The following EDIL3 variants were observed in gnomAD, a reference collection of about 807,000 sequenced individuals.
EDIL3 encodes EGF like and discoidin domains 3, also known as EGF-like repeat and discoidin I-like domain-containing protein 3.
A neutral mutation model predicts 67.4 loss-of-function variants in EDIL3; 37 were observed. That is an observed-to-expected ratio of 0.55 (90% CI 0.42 to 0.72). The LOEUF is 0.72. EDIL3 is among the 30% of genes least tolerant of loss of function. The probability of loss-of-function intolerance (pLI) is 0.00; values close to 1 mark genes in which losing one functional copy is unlikely to be tolerated. For missense variants in EDIL3, 527 were observed against 586.3 expected (o/e 0.90, Z 1.04); for synonymous variants, 195 against 196.3 (o/e 0.99, Z 0.05).
chr5:84,331,657 A>G (rs1429059491), intron 1 of EDIL3, among the ~76,000 whole-genome samples: 3 of 152,130 alleles, frequency 2.0e-5, no homozygotes, highest in African/African-American at 7.2e-5. Flanking sequence ...AGTCTCGGGT[A>G]TTTCTTCACA....
chr5:84,166,487 T>C (rs538881801), intron 4 of EDIL3, among the ~76,000 whole-genome samples: 2 of 152,140 alleles, frequency 1.3e-5, no homozygotes, highest in South Asian at 2.1e-4. Flanking sequence ...CATTCATTTG[T>C]TTACTTAACA....
chr5:84,182,492 T>C (rs554285568), intron 3 of EDIL3, among the ~76,000 whole-genome samples: 1 of 151,274 alleles, frequency 6.6e-6, no homozygotes, highest in South Asian at 2.1e-4. Context: ...ACAAACAAAC[T>C]TGTGAATAGG....
At chr5:84,012,417 A>G (rs1301215089) in intron 9 of EDIL3, among the ~76,000 whole-genome samples, 1 of 152,196 alleles carries the variant, frequency 6.6e-6, no homozygotes, top group East Asian at 1.9e-4. Flanking sequence ...CAACTGATCA[A>G]TTCCTTCAGG....
At chr5:84,359,707 G>A (rs536973925) in intron 1 of EDIL3, among the ~76,000 whole-genome samples, 1 of 152,166 alleles carries the variant, frequency 6.6e-6, no homozygotes, top group African/African-American at 2.4e-5. Context: ...AGGAAACGGG[G>A]TTATTCAGCC....
intron 1 of EDIL3, among the ~76,000 whole-genome samples, chr5:84,256,148 C>CTATCATCT (rs3046886): frequency 0.055 from 8,095 of 146,518 alleles, 341 homozygotes; most frequent in African/African-American, 0.12. Flanking sequence ...ATCTATCTAT[C>CTATCATCT]ATCTATCTAT....
intron 9 of EDIL3, among the ~76,000 whole-genome samples, chr5:84,014,968 A>G (rs1248932454): frequency 6.6e-6 from 1 of 152,174 alleles, no homozygotes; most frequent in Non-Finnish European, 1.5e-5. Context: ...GGTTGGACAG[A>G]GTGCACAGTG....
At chr5:84,202,360 C>T (rs1316537215) in intron 3 of EDIL3, among the ~76,000 whole-genome samples, 2 of 152,234 alleles carry the variant, frequency 1.3e-5, no homozygotes, top group Admixed American at 6.5e-5. Flanking sequence ...GAGCCATAAA[C>T]AAGTTCATCT....
chr5:84,059,237 A>G (rs1320785266), intron 9 of EDIL3, among the ~76,000 whole-genome samples: 1 of 151,892 alleles, frequency 6.6e-6, no homozygotes, highest in African/African-American at 2.4e-5. Flanking sequence ...ACCTGTCTGC[A>G]CAAAAGAAAA....
At chr5:84,273,204 C>T (rs928935594) in intron 1 of EDIL3, among the ~76,000 whole-genome samples, 3 of 152,170 alleles carry the variant, frequency 2.0e-5, no homozygotes, top group Admixed American at 6.5e-5. Flanking sequence ...TTTTCCCTCA[C>T]TACATTTCGG....
At chr5:84,131,727 A>G (rs1747970185) in intron 5 of EDIL3, among the ~76,000 whole-genome samples, 1 of 152,196 alleles carries the variant, frequency 6.6e-6, no homozygotes, top group East Asian at 1.9e-4. Context: ...TAAAATCAAC[A>G]TACATGAACT....
intron 2 of EDIL3, among the ~76,000 whole-genome samples, chr5:84,252,004 T>G (rs1745032130): frequency 6.6e-6 from 1 of 152,312 alleles, no homozygotes; most frequent in African/African-American, 2.4e-5. Context: ...TGTATACTAA[T>G]ATGTAATAAT....
At chr5:84,167,628 T>C (rs751591110) in intron 4 of EDIL3, among the ~76,000 whole-genome samples, 5 of 152,176 alleles carry the variant, frequency 3.3e-5, no homozygotes, top group Admixed American at 1.3e-4. Context: ...TTTATCAGCA[T>C]ACAGAACATT....
At chr5:84,202,292 G>A (rs2112379329) in intron 3 of EDIL3, among the ~76,000 whole-genome samples, 1 of 152,218 alleles carries the variant, frequency 6.6e-6, no homozygotes, top group East Asian at 1.9e-4. Context: ...TGAGCAGAGA[G>A]CCCCTACTGA....
In EDIL3 at chr5:84,198,225, T is replaced by C. The variant is rs1229583368; in HGVS notation, c.227-17704A>G. Among the ~76,000 whole-genome samples, 6 of 151,824 alleles carry C rather than the reference T, an allele frequency of 4.0e-5. No homozygotes were observed. In the East Asian group the frequency reaches 1.2e-3, roughly 30 times the overall value. Reference sequence around the variant, plus strand: ...CATTAATGCAAGGTTAGATGTTTTCTAGTTGTATGTGGGTCAAGGCAAAAA... The same window carrying C: ...CATTAATGCAAGGTTAGATGTTTTCCAGTTGTATGTGGGTCAAGGCAAAAA... On this transcript the variant is annotated intron_variant, in intron 3 of 10. Coordinates refer to ENST00000296591, the MANE Select transcript of EDIL3 (RefSeq NM_005711.5).
intron 10 of EDIL3, among the ~76,000 whole-genome samples, chr5:83,961,996 G>A (rs1744613825): frequency 6.6e-6 from 1 of 151,316 alleles, no homozygotes; most frequent in African/African-American, 2.4e-5. Flanking sequence ...TGTGTTCTGA[G>A]ATGTTAACAT....
intron 9 of EDIL3, among the ~76,000 whole-genome samples, chr5:84,014,794 C>A (rs1745571918): frequency 6.6e-6 from 1 of 152,130 alleles, no homozygotes; most frequent in South Asian, 2.1e-4. Context: ...GAAAAACTAG[C>A]TAACTGACTA....
At chr5:84,054,071 C>A (rs1311678521) in intron 9 of EDIL3, among the ~76,000 whole-genome samples, 19 of 152,278 alleles carry the variant, frequency 1.2e-4, no homozygotes, top group South Asian at 4.2e-4. Flanking sequence ...AAAATACTGG[C>A]AAACCAAATC....
At chr5:84,364,968 TCTTATA>T in intron 1 of EDIL3, among the ~76,000 whole-genome samples, 1 of 152,090 alleles carries the variant, frequency 6.6e-6, no homozygotes, top group Middle Eastern at 3.4e-3. Context: ...TATATTTATG[TCTTATA>T]CTTAACTTAA....
At chr5:84,176,717 T>C (rs769374691) in intron 4 of EDIL3, among the ~76,000 whole-genome samples, 2 of 149,704 alleles carry the variant, frequency 1.3e-5, no homozygotes, top group South Asian at 2.1e-4. Flanking sequence ...ATTCATTCTA[T>C]AATTTACACA....
Sources: gnomAD v4.1 joint callset for allele counts (sites outside exome capture counted in the v4.1 genomes callset) on GRCh38, gnomAD v4.1.1 for gene constraint, MANE v1.5 for transcripts, NCBI Gene and HGNC (gene_info 2026-07-23, HGNC 2026-07-21) for gene names.